The following ABCA6 variants were observed in gnomAD, a reference collection of about 807,000 sequenced individuals.
ABCA6 encodes the protein ATP-binding cassette sub-family A member 6.
Under a neutral mutation model 191.2 loss-of-function variants are expected in ABCA6, and 164 were observed. That is an observed-to-expected ratio of 0.86 (90% CI 0.76 to 0.98). ABCA6 has a LOEUF of 0.98. Ranked by LOEUF, ABCA6 falls within the 50% of genes least tolerant of loss-of-function variation. The probability of loss-of-function intolerance (pLI) is 0.00; values close to 1 mark genes in which losing one functional copy is unlikely to be tolerated. For missense variants in ABCA6, 1,958 were observed against 1,894.1 expected, an observed-to-expected ratio of 1.03 and a Z score of -0.63; for synonymous variants, 636 against 647.7, an observed-to-expected ratio of 0.98 and a Z score of 0.27.
chr17:69,138,293 G>A (rs2073980253), intron 2 of ABCA6, among the ~76,000 whole-genome samples: 1 of 152,154 alleles, frequency 6.6e-6, no homozygotes, highest in Non-Finnish European at 1.5e-5. Context: ...ACTTTCATTA[G>A]ACCATGAGGA....
intron 33 of ABCA6, 31 bp from the exon 34 acceptor site, chr17:69,084,386 G>C (rs775073259): frequency 6.2e-7 from 1 of 1,613,976 alleles, no homozygotes; most frequent in Non-Finnish European, 8.5e-7. Flanking sequence ...CCTGTTTGCT[G>C]CCATACCACA....
At chr17:69,085,265 G>T in intron 31 of ABCA6, 83 bp from the exon 32 acceptor site, 3 of 1,348,234 alleles carry the variant, frequency 2.2e-6, no homozygotes, top group Non-Finnish European at 2.0e-6. Context: ...ATATATAAGC[G>T]TCTAAATTGT....
chr17:69,079,217 A>T lies in ABCA6; in HGVS notation c.4745T>A (p.Leu1582Gln). 1 of 1,609,684 alleles carries T rather than the reference A, an allele frequency of 6.2e-7. No individual in the cohort carries two copies. Among genetic ancestry groups the T allele is most frequent in the Non-Finnish European group, 8.5e-7 (1 of 1,177,832 alleles). The change falls in exon 38 of 39, where the codon CTG becomes CAG. Residue 1582 changes from leucine to glutamine, a missense_variant. Transcript: ENST00000284425. ...TCAAACCACTTGACTTACCTTCTCC[A>T]GTGTGCACTGAGAAAGGCTGTATTC... ...LEEYSLSQCT[L>Q]EKVFLELSKE...
intron 3 of ABCA6, among the ~76,000 whole-genome samples, chr17:69,136,987 A>C (rs1276428431): frequency 6.6e-6 from 1 of 152,164 alleles, no homozygotes; most frequent in Non-Finnish European, 1.5e-5. Context: ...CATGTTAAAA[A>C]CACACACAAT....
In ABCA6 at chr17:69,129,876, G is replaced by C; in HGVS notation, c.792-125C>G. 4 of 662,348 alleles carry C rather than the reference G, an allele frequency of 6.0e-6. 1 individual carries two copies. The South Asian group carries it at 8.9e-5, about 15-fold the overall frequency. 41.0% of individuals were successfully genotyped at this position (662,348 alleles called of 1,614,324 possible). ...TACCTTCTAGATTAATAACTATACT[G>C]TTAATCCTACAGCAGAAGCTCATTG... is the stretch of plus-strand genomic sequence containing the variant. On this transcript the variant is annotated intron_variant, in intron 6 of 38. Transcript: ENST00000284425.
chr17:69,091,365 T>C, intron 25 of ABCA6, 103 bp from the exon 26 acceptor site: 4 of 1,281,854 alleles, frequency 3.1e-6, no homozygotes, highest in Non-Finnish European at 4.4e-6. Context: ...ATCATAATGT[T>C]CCCATATGCA....
At position 69,122,319 on chromosome 17, in the gene ABCA6, G is replaced by A. The variant is rs576775969; in HGVS notation, c.1436+920C>T. 1.2e-4 allele frequency among the ~76,000 whole-genome samples: 19 copies of A among 152,138 alleles called. No homozygotes were observed. The East Asian group carries it at 2.9e-3, about 23-fold the overall frequency. On this transcript the variant is annotated intron_variant, in intron 10 of 38. Coordinates refer to ENST00000284425, the MANE Select transcript of ABCA6 (RefSeq NM_080284.3). Reference sequence around the variant, plus strand: ...TAAATAAACGATTGCTATTTAAAGCGCTGATCCATTAACTTTGTACCAAAC... The same window carrying A: ...TAAATAAACGATTGCTATTTAAAGCACTGATCCATTAACTTTGTACCAAAC...
chr17:69,094,128 T>C (rs1326719003), intron 25 of ABCA6, among the ~76,000 whole-genome samples: 1 of 152,234 alleles, frequency 6.6e-6, no homozygotes, highest in African/African-American at 2.4e-5. Context: ...TGATCTTTTA[T>C]TTGTGATAAT....
rs760530631 is a variant in ABCA6 at position 69,100,848 on chromosome 17, T to C, written c.2961A>G (p.Gln987=). Residue 987 remains glutamine, a synonymous_variant, in exon 22 of 39, where the codon CAA becomes CAG. Transcript: ENST00000284425. ...LMNIISNGLL[Q]MFNHTQHIRI... is the part of the protein sequence containing the mutation. ...GAATATGTTGTGTGTGATTAAACAT[T>C]TGAAGTAGCCCATTGCTGATAATAT... is the stretch of plus-strand genomic sequence containing the variant. 1.2e-5 allele frequency: 20 copies of C among 1,612,748 alleles called. No homozygotes were observed. In the East Asian group the frequency reaches 4.5e-4, roughly 36 times the overall value.
chr17:69,122,587 A>G (rs1016194126), intron 10 of ABCA6, among the ~76,000 whole-genome samples: 2 of 152,028 alleles, frequency 1.3e-5, no homozygotes, highest in African/African-American at 4.8e-5. Flanking sequence ...AGAGGAGAGT[A>G]TTAGGATCTA....
Position 69,114,773 on chromosome 17 carries a change from C to T in ABCA6, c.1771G>A (p.Val591Met). 6.2e-7 allele frequency: 1 copy of T among 1,609,030 alleles called. No individual in the cohort carries two copies. Among genetic ancestry groups the T allele is most frequent in the Non-Finnish European group, 8.5e-7 (1 of 1,177,886 alleles). ...AKIKGIHLKE[V>M]EQEVQRILLE... ...GCATGCCCTCCTACCTCTTGTTCCA[C>T]TTCCTTTAGATGAATCCCTTTTATT... is the stretch of plus-strand genomic sequence containing the variant. The change falls in exon 13 of 39, where the codon GTG becomes ATG. Residue 591 changes from valine (V) to methionine (M), a missense_variant. Coordinates refer to ENST00000284425, the MANE Select transcript of ABCA6 (RefSeq NM_080284.3).
chr17:69,134,748 A>G lies in ABCA6; in HGVS notation c.461-6T>C, dbSNP rs1453395452. 1.9e-6 allele frequency: 3 copies of G among 1,602,132 alleles called. No homozygotes were observed. Among genetic ancestry groups the G allele is most frequent in the African/African-American group, 1.3e-5 (1 of 74,760 alleles). On this transcript the variant is annotated splice_region_variant and splice_polypyrimidine_tract_variant and intron_variant, in intron 4 of 38. Coordinates refer to ENST00000284425, the MANE Select transcript of ABCA6 (RefSeq NM_080284.3). ...ATATCCATCCCAGCAATGAGCTGTA[A>G]GCACAAAGAAAAGCACAGCCAACAT...
chr17:69,135,172 T>C (rs1470184387), intron 4 of ABCA6: 1 of 155,966 alleles, frequency 6.4e-6, no homozygotes, highest in African/African-American at 2.4e-5. Context: ...TGAGCCACCA[T>C]GGCTGGCCCA....
At chr17:69,132,827 G>T (rs556947524) in intron 6 of ABCA6, among the ~76,000 whole-genome samples, 2 of 152,154 alleles carry the variant, frequency 1.3e-5, no homozygotes, top group East Asian at 3.9e-4. Context: ...TCTTTATTAT[G>T]ACACAAATAC....
At chr17:69,140,794 G>T in intron 1 of ABCA6, 46 bp from the exon 2 acceptor site, 1 of 669,732 alleles carries the variant, frequency 1.5e-6, no homozygotes, top group Non-Finnish European at 2.4e-6. Flanking sequence ...TCATAGTGTT[G>T]AGGAAAATAT....
rs201339605 is a variant in ABCA6 at position 69,088,219 on chromosome 17, A to C, written c.3646T>G (p.Cys1216Gly). 3.3e-4 allele frequency: 540 copies of C among 1,612,696 alleles called. 1 individual carries two copies. Among genetic ancestry groups the C allele is most frequent in the Middle Eastern group, 2.6e-3 (16 of 6,054 alleles). The change falls in exon 28 of 39, where the codon TGC becomes GGC. Residue 1216 changes from cysteine (C) to glycine (G), a missense_variant. Transcript: ENST00000284425. ...QTLLFVFVLR[C>G]MELKCGKKRM... is the part of the protein sequence containing the mutation. ...TTCTTTCCACATTTTAGTTCCATGC[A>C]TCTTAGAACAAAAACGAATAGCAAA...
At chr17:69,102,722 A>C in intron 21 of ABCA6, 113 bp downstream of exon 21, 2 of 983,390 alleles carry the variant, frequency 2.0e-6, no homozygotes. Flanking sequence ...ATAACAACCC[A>C]GAATGTTTTT....
chr17:69,134,782 G>A (rs770056865), intron 4 of ABCA6, 40 bp from the exon 5 acceptor site: 22 of 1,362,414 alleles, frequency 1.6e-5, no homozygotes, highest in South Asian at 2.4e-5. Flanking sequence ...ATTATGGGAC[G>A]AGGGCAGTTG....
At chr17:69,089,383 C>A (rs2072876182) in intron 27 of ABCA6, 82 bp downstream of exon 27, 51 of 1,308,548 alleles carry the variant, frequency 3.9e-5, no homozygotes, top group Non-Finnish European at 5.5e-5. Context: ...TTCAAAATGG[C>A]ACACTTTGGA....
Sources: gnomAD v4.1 joint callset for allele counts (sites outside exome capture counted in the v4.1 genomes callset) on GRCh38, gnomAD v4.1.1 for gene constraint, MANE v1.5 for transcripts, NCBI Gene and HGNC (gene_info 2026-07-23, HGNC 2026-07-21) for gene names.